The following FCRLA variants were observed in gnomAD, a reference collection of about 807,000 sequenced individuals.
The protein encoded by FCRLA is Fc receptor like A.
FCRLA carries 26 observed loss-of-function variants against 28.4 expected under a neutral mutation model. The ratio of observed to expected loss-of-function variants is 0.91; its 90% CI spans 0.67 to 1.27. The LOEUF (loss-of-function observed/expected upper bound fraction) is 1.27, where lower values mean the gene tolerates loss of function less well. Ranked by LOEUF, FCRLA falls within the 50% of genes most tolerant of loss-of-function variation. The pLI is 0.00. For synonymous variants in FCRLA, 174 were observed against 168.5 expected (o/e 1.03, Z -0.25); for missense variants, 422 against 433.1 (o/e 0.97, Z 0.23).
In FCRLA at chr1:161,714,169, G is replaced by C. The variant is rs1368898796; in HGVS notation, c.*789G>C. The C allele has an allele frequency of 6.6e-6, 1 of 152,170 alleles. No homozygotes were observed. The highest frequency in any genetic ancestry group is 1.5e-5 in the Non-Finnish European group (1 of 68,028). 9.4% of individuals were successfully genotyped at this position (152,170 alleles called of 1,614,324 possible). On this transcript the variant is annotated 3_prime_UTR_variant, in exon 5 of 5. Transcript: ENST00000236938. ...CAGAGCCCTCATGATTAGGATTAGT[G>C]CCCTTATTTAAAAAGGCCCCAGAGA...
rs571572682 is a variant in FCRLA, at chr1:161,710,797, C to T, written c.117C>T (p.Val39=). 6 of 1,614,126 alleles carry T rather than the reference C, an allele frequency of 3.7e-6. No homozygotes were observed. The African/African-American group carries it at 6.7e-5, about 18-fold the overall frequency. The stretch of plus-strand genomic sequence containing the variant: ...AGACGCTGCAGTGTGAGGGACCTGT[C>T]TGCACTGAGGAGAGCAGCTGCCACA... ...SFETLQCEGP[V]CTEESSCHTE... The change falls in exon 2 of 5, where the codon GTC becomes GTT. Residue 39 remains valine (V), a synonymous_variant. Transcript: ENST00000236938.
At position 161,711,314 on chromosome 1, in the gene FCRLA, C is replaced by G. The variant is rs148028138; in HGVS notation, c.339C>G (p.Tyr113Ter). ...GGCCACTGACTCAGGTGACCTTCTA[C>G]CGAGATGGCTCAGCTCTGGGTCCCC... ...QDWPLTQVTF[Y>*]RDGSALGPPG... Residue 113 changes from tyrosine (Y) to a stop codon, truncating the protein, a stop_gained, in exon 3 of 5, where the codon TAC becomes TAG. Transcript: ENST00000236938. LOFTEE classifies it high-confidence loss of function. The G allele has an allele frequency of 1.2e-6, 2 of 1,614,100 alleles. No homozygotes were observed. The highest frequency in any genetic ancestry group is 2.7e-5 in the African/African-American group (2 of 74,940).
chr1:161,709,118 G>T (rs1433237700), intron 1 of FCRLA, among the ~76,000 whole-genome samples: 2 of 152,006 alleles, frequency 1.3e-5, no homozygotes, highest in East Asian at 3.8e-4. Flanking sequence ...AACCCAACAA[G>T]ATTTTATTTT....
chr1:161,709,451 G>C (rs1349756276), intron 1 of FCRLA, among the ~76,000 whole-genome samples: 2 of 152,052 alleles, frequency 1.3e-5, no homozygotes, highest in South Asian at 2.1e-4. Flanking sequence ...TTTTTAAAAA[G>C]AAAAAATGGA....
Position 161,711,994 on chromosome 1 carries a change from C to T in FCRLA, c.560C>T (p.Pro187Leu), listed in dbSNP as rs1683124921. 1 of 1,614,158 alleles carries T rather than the reference C, an allele frequency of 6.2e-7. No individual in the cohort carries two copies. The highest frequency in any genetic ancestry group is 1.1e-5 in the South Asian group (1 of 91,088). ...VPSAEPQAGS[P>L]MTLSCQTKLP... ...TCAGCTGAACCCCAAGCAGGAAGCC[C>T]CATGACCCTGAGTTGTCAGACAAAG... Residue 187 changes from proline to leucine, a missense_variant, in exon 4 of 5, where the codon CCC becomes CTC. Coordinates refer to ENST00000236938, the MANE Select transcript of FCRLA (RefSeq NM_032738.4).
Position 161,713,380 on chromosome 1 carries a change from GAAGTA to G in FCRLA, c.*3_*7del. The G allele has an allele frequency of 6.2e-7, 1 of 1,609,002 alleles. No homozygotes were observed. Among genetic ancestry groups the G allele is most frequent in the Non-Finnish European group, 8.5e-7 (1 of 1,177,070 alleles). On this transcript the variant is annotated 3_prime_UTR_variant, in exon 5 of 5. Transcript: ENST00000236938. Reference sequence around the variant, plus strand: ...GGACCACAAAGGCTACTGCTGAATAGAAGTAAACAGTTCATCCATGATCTCACTTA... The same window carrying G: ...GGACCACAAAGGCTACTGCTGAATAGAACAGTTCATCCATGATCTCACTTA...
At chr1:161,711,115 G>C in intron 2 of FCRLA, 93 bp from the exon 3 acceptor site, 1 of 1,515,088 alleles carries the variant, frequency 6.6e-7, no homozygotes, top group Non-Finnish European at 8.9e-7. Context: ...AGTTTACCTG[G>C]ACCCTCAGAG....
intron 1 of FCRLA, among the ~76,000 whole-genome samples, chr1:161,708,372 T>C (rs766967055): frequency 6.6e-6 from 1 of 152,256 alleles, no homozygotes; most frequent in South Asian, 2.1e-4. Flanking sequence ...TCATCACTAA[T>C]GTCTTAGGAC....
Sources: allele counts gnomAD v4.1 joint callset (sites outside exome capture counted in the v4.1 genomes callset), GRCh38; gene constraint gnomAD v4.1.1; transcripts MANE v1.5; gene names NCBI Gene and HGNC (gene_info 2026-07-23, HGNC 2026-07-21).